MTHFD2L: variants seen among roughly 807,000 people sequenced by gnomAD.
MTHFD2L encodes the protein methylenetetrahydrofolate dehydrogenase (NADP+ dependent) 2 like.
Under a neutral mutation model 34.9 loss-of-function variants are expected in MTHFD2L, and 29 were observed. The observed-to-expected ratio is 0.83, with a 90% CI of 0.62 to 1.13. The LOEUF is 1.13. MTHFD2L is among the 50% of genes most tolerant of loss of function. The probability of loss-of-function intolerance (pLI) is 0.00; values close to 1 mark genes in which losing one functional copy is unlikely to be tolerated. For missense variants in MTHFD2L, 481 were observed against 446.5 expected (o/e 1.08, Z -0.70); for synonymous variants, 167 against 155.7 (o/e 1.07, Z -0.54).
intron 6 of MTHFD2L, among the ~76,000 whole-genome samples, chr4:74,240,397 G>C (rs189542900): frequency 3.3e-5 from 5 of 151,938 alleles, no homozygotes; most frequent in Non-Finnish European, 2.9e-5. Flanking sequence ...ACATACAAAG[G>C]TATCTGTTAT....
chr4:74,159,543 T>C (rs1289779944), intron 1 of MTHFD2L, among the ~76,000 whole-genome samples: 1 of 152,248 alleles, frequency 6.6e-6, no homozygotes, highest in Non-Finnish European at 1.5e-5. Flanking sequence ...TTAATTTCCC[T>C]GTCAGCTTGC....
rs867429088 is a variant in MTHFD2L, at chr4:74,158,176, G to A, written c.38G>A (p.Gly13Asp). Residue 13 changes from glycine to aspartate, a missense_variant, in exon 1 of 8, where the codon GGC (glycine) becomes GAC (aspartate). Transcript: ENST00000325278. ...VPVRGFSLLR[G>D]RLGRAPALGR... ...GTCCGCGGCTTCTCGCTGCTCCGCG[G>A]CCGCCTTGGCCGAGCGCCGGCGTTG... The A allele has an allele frequency of 1.3e-6, 2 of 1,526,486 alleles. No individual in the cohort carries two copies. Among genetic ancestry groups the A allele is most frequent in the Non-Finnish European group, 8.8e-7 (1 of 1,138,060 alleles). 94.6% of individuals were successfully genotyped at this position (1,526,486 alleles called of 1,614,324 possible).
intron 6 of MTHFD2L, among the ~76,000 whole-genome samples, chr4:74,262,187 A>G (rs1162678456): frequency 3.9e-5 from 6 of 151,990 alleles, no homozygotes; most frequent in Non-Finnish European, 8.8e-5. Context: ...CTTCCCATTT[A>G]GGAAAAAAAT....
chr4:74,295,832 T>C (rs1319788223), intron 7 of MTHFD2L, among the ~76,000 whole-genome samples: 2 of 152,020 alleles, frequency 1.3e-5, no homozygotes, highest in Non-Finnish European at 2.9e-5. Context: ...CTTTATCACA[T>C]TGTCTCCCCT....
intron 6 of MTHFD2L, among the ~76,000 whole-genome samples, chr4:74,250,982 T>C (rs1743225649): frequency 6.6e-6 from 1 of 152,212 alleles, no homozygotes; most frequent in South Asian, 2.1e-4. Flanking sequence ...TGCACCAGCA[T>C]ATTACAGAAT....
intron 6 of MTHFD2L, among the ~76,000 whole-genome samples, chr4:74,268,805 C>G (rs1745615533): frequency 6.6e-6 from 1 of 152,044 alleles, no homozygotes; most frequent in South Asian, 2.1e-4. Flanking sequence ...AAGGATATAG[C>G]CTCCCACTAG....
intron 1 of MTHFD2L, among the ~76,000 whole-genome samples, chr4:74,132,476 A>G (rs892348583): frequency 6.6e-6 from 1 of 152,168 alleles, no homozygotes; most frequent in Admixed American, 6.5e-5. Flanking sequence ...TTCTCAGCAA[A>G]CTAACACAAG....
intron 6 of MTHFD2L, among the ~76,000 whole-genome samples, chr4:74,262,498 A>C (rs1444846953): frequency 6.6e-6 from 1 of 151,966 alleles, no homozygotes; most frequent in Non-Finnish European, 1.5e-5. Flanking sequence ...TATACATAAC[A>C]AAGAATTAGT....
chr4:74,299,964 A>G (rs1225505061), intron 7 of MTHFD2L, among the ~76,000 whole-genome samples: 2 of 152,072 alleles, frequency 1.3e-5, no homozygotes, highest in Non-Finnish European at 2.9e-5. Flanking sequence ...CTTTCAGGAA[A>G]TAATGAGTTT....
intron 6 of MTHFD2L, among the ~76,000 whole-genome samples, chr4:74,280,606 A>C (rs1329334919): frequency 6.7e-6 from 1 of 150,350 alleles, no homozygotes; most frequent in East Asian, 1.9e-4. Context: ...TTAATCTATT[A>C]AATTTGTGAT....
At chr4:74,133,576 C>T (rs1032171106) in intron 1 of MTHFD2L, among the ~76,000 whole-genome samples, 3 of 151,936 alleles carry the variant, frequency 2.0e-5, no homozygotes, top group Non-Finnish European at 4.4e-5. Flanking sequence ...TGATTCTTTT[C>T]TCTAACCCAT....
At chr4:74,189,661 A>G (rs1408153766) in intron 3 of MTHFD2L, among the ~76,000 whole-genome samples, 1 of 151,936 alleles carries the variant, frequency 6.6e-6, no homozygotes, top group African/African-American at 2.4e-5. Flanking sequence ...AGTGGCTCAA[A>G]TCTATAGAAT....
At chr4:74,262,189 GA>G (rs1441031256) in intron 6 of MTHFD2L, among the ~76,000 whole-genome samples, 1 of 151,608 alleles carries the variant, frequency 6.6e-6, no homozygotes, top group East Asian at 1.9e-4. Context: ...TCCCATTTAG[GA>G]AAAAAATCTA....
At chr4:74,296,922 A>G (rs968770447) in intron 7 of MTHFD2L, among the ~76,000 whole-genome samples, 3 of 152,086 alleles carry the variant, frequency 2.0e-5, no homozygotes, top group Admixed American at 2.0e-4. Context: ...GAGAAGGAAG[A>G]ATAAATATTC....
intron 5 of MTHFD2L, among the ~76,000 whole-genome samples, chr4:74,204,125 G>A (rs1049171143): frequency 2.6e-5 from 4 of 151,996 alleles, no homozygotes; most frequent in Admixed American, 1.3e-4. Context: ...TGGGGAGCTG[G>A]GTTCTGACTT....
chr4:74,170,177 A>C (rs1232045499), intron 1 of MTHFD2L, among the ~76,000 whole-genome samples: 1 of 152,220 alleles, frequency 6.6e-6, no homozygotes, highest in East Asian at 1.9e-4. Context: ...TAACATTATA[A>C]GAAAAGAAAA....
chr4:74,282,037 G>A (rs1389592105), intron 7 of MTHFD2L, among the ~76,000 whole-genome samples: 1 of 152,002 alleles, frequency 6.6e-6, no homozygotes, highest in Non-Finnish European at 1.5e-5. Context: ...TTTTTCACTT[G>A]TGTTTTAGAG....
At chr4:74,262,324 AG>A (rs1046927046) in intron 6 of MTHFD2L, among the ~76,000 whole-genome samples, 9 of 151,966 alleles carry the variant, frequency 5.9e-5, no homozygotes, top group African/African-American at 1.9e-4. Context: ...AATTTAGAGC[AG>A]GTAGGATTTT....
At chr4:74,272,872 A>C (rs1219923080) in intron 6 of MTHFD2L, among the ~76,000 whole-genome samples, 1 of 152,172 alleles carries the variant, frequency 6.6e-6, no homozygotes, top group Non-Finnish European at 1.5e-5. Context: ...CAAATAACCT[A>C]TCCTTGAACT....
Sources: gnomAD v4.1 joint callset for allele counts (sites outside exome capture counted in the v4.1 genomes callset) on GRCh38, gnomAD v4.1.1 for gene constraint, MANE v1.5 for transcripts, NCBI Gene and HGNC (gene_info 2026-07-23, HGNC 2026-07-21) for gene names.